The following RORA variants were observed in gnomAD, a reference collection of about 807,000 sequenced individuals.
RORA encodes nuclear receptor ROR-alpha.
A neutral mutation model predicts 69.5 loss-of-function variants in RORA; 7 were observed. The observed-to-expected ratio is 0.10, with a 90% CI of 0.06 to 0.19. RORA has a LOEUF of 0.19. Ranked by LOEUF, RORA falls within the 10% of genes least tolerant of loss-of-function variation. The pLI, the probability that RORA is intolerant of heterozygous loss-of-function variation, is 1.00. For missense variants in RORA, 457 were observed against 663.0 expected (o/e 0.69, Z 3.41); for synonymous variants, 261 against 240.8 (o/e 1.08, Z -0.78).
chr15:60,522,636 G>GGCATGTGCT (rs2066207491), intron 3 of RORA, among the ~76,000 whole-genome samples: 1 of 151,810 alleles, frequency 6.6e-6, no homozygotes, highest in African/African-American at 2.4e-5. Flanking sequence ...CAGGTGTAGT[G>GGCATGTGCT]GCATGTGCTT....
intron 1 of RORA, among the ~76,000 whole-genome samples, chr15:61,175,871 T>C (rs1387582542): frequency 6.6e-6 from 1 of 152,076 alleles, no homozygotes; most frequent in Non-Finnish European, 1.5e-5. Flanking sequence ...TATTTCTTAA[T>C]CTCATAAGAA....
At chr15:61,025,391 C>T (rs1458900430) in intron 1 of RORA, among the ~76,000 whole-genome samples, 1 of 152,216 alleles carries the variant, frequency 6.6e-6, no homozygotes, top group Admixed American at 6.5e-5. Context: ...CGGGCCCTAG[C>T]TGTGCTTCAG....
At chr15:60,597,549 A>ACACAC (rs1335197252) in intron 2 of RORA, among the ~76,000 whole-genome samples, 2 of 37,558 alleles carry the variant, frequency 5.3e-5, no homozygotes, top group Admixed American at 3.6e-4. Context: ...ACACACACAC[A>ACACAC]ACATATATAT....
At chr15:61,105,919 G>A (rs536497509) in intron 1 of RORA, among the ~76,000 whole-genome samples, 1 of 152,198 alleles carries the variant, frequency 6.6e-6, no homozygotes, top group Admixed American at 6.5e-5. Flanking sequence ...TGACATAATG[G>A]AGAAGCAGCA....
chr15:61,096,579 T>A (rs1226599152), intron 1 of RORA, among the ~76,000 whole-genome samples: 1 of 152,144 alleles, frequency 6.6e-6, no homozygotes, highest in Non-Finnish European at 1.5e-5. Flanking sequence ...TGAGAGAGGT[T>A]ATAATCCCCA....
chr15:60,776,595 G>A lies in RORA; in HGVS notation c.167-97909C>T, dbSNP rs548100677. On this transcript the variant is annotated intron_variant, in intron 1 of 10. Transcript: ENST00000335670. Reference sequence around the variant, plus strand: ...CAAACTGAGATAGGCACAGCAGAGCGTAGATCCTGCACTAAAAGGGTAAGA... The same window carrying A: ...CAAACTGAGATAGGCACAGCAGAGCATAGATCCTGCACTAAAAGGGTAAGA... Among the ~76,000 whole-genome samples, 4 of 152,310 alleles carry A rather than the reference G, an allele frequency of 2.6e-5. No individual in the cohort carries two copies. The East Asian group carries it at 5.8e-4, about 22-fold the overall frequency.
At chr15:60,934,715 GAA>G (rs1273500741) in intron 1 of RORA, among the ~76,000 whole-genome samples, 4 of 152,188 alleles carry the variant, frequency 2.6e-5, no homozygotes, top group Non-Finnish European at 5.9e-5. Flanking sequence ...CACACTTTGA[GAA>G]CCACTGTATT....
intron 1 of RORA, among the ~76,000 whole-genome samples, chr15:61,010,230 G>T (rs1193446261): frequency 6.6e-6 from 1 of 152,148 alleles, no homozygotes; most frequent in African/African-American, 2.4e-5. Flanking sequence ...ACTTCTATTT[G>T]AGAGAATTTG....
intron 3 of RORA, among the ~76,000 whole-genome samples, chr15:60,516,235 T>TTATATATATATATTTA (rs2065950430): frequency 2.5e-5 from 1 of 40,378 alleles, no homozygotes; most frequent in Non-Finnish European, 3.9e-5. Context: ...ATATATATAT[T>TTATATATATATATTTA]TATATATATA....
chr15:60,745,481 T>C (rs139454124), intron 1 of RORA, among the ~76,000 whole-genome samples: 249 of 152,168 alleles, frequency 1.6e-3, no homozygotes, highest in African/African-American at 5.8e-3. Context: ...GAGGCAAGAG[T>C]CCTTGCATCT....
intron 1 of RORA, among the ~76,000 whole-genome samples, chr15:61,191,378 A>G (rs1249013157): frequency 5.9e-5 from 9 of 151,668 alleles, no homozygotes; most frequent in South Asian, 4.2e-4. Context: ...AAAAAAAAAA[A>G]AAAGAAAGAA....
intron 2 of RORA, among the ~76,000 whole-genome samples, chr15:60,595,509 T>C (rs2068647005): frequency 6.6e-6 from 1 of 151,316 alleles, no homozygotes; most frequent in Non-Finnish European, 1.5e-5. Context: ...AGCAATAATC[T>C]GTCTCAAGGA....
intron 1 of RORA, among the ~76,000 whole-genome samples, chr15:61,063,744 A>G (rs963632895): frequency 2.6e-5 from 4 of 152,244 alleles, no homozygotes; most frequent in East Asian, 1.9e-4. Context: ...TGTGTGGTCA[A>G]TATTAACTAT....
chr15:60,943,486 G>A (rs1365301802), intron 1 of RORA, among the ~76,000 whole-genome samples: 1 of 152,142 alleles, frequency 6.6e-6, no homozygotes, highest in East Asian at 1.9e-4. Context: ...CATTTTCAAT[G>A]TGAAGGTTCA....
At chr15:60,747,388 T>G (rs1046311460) in intron 1 of RORA, among the ~76,000 whole-genome samples, 1 of 152,156 alleles carries the variant, frequency 6.6e-6, no homozygotes, top group African/African-American at 2.4e-5. Context: ...ATTTACTCCA[T>G]AAATCAAGGG....
At chr15:60,884,832 C>CA (rs1288454505) in intron 1 of RORA, among the ~76,000 whole-genome samples, 1 of 152,168 alleles carries the variant, frequency 6.6e-6, no homozygotes, top group African/African-American at 2.4e-5. Context: ...AAACAGCCCC[C>CA]AAAAGAGCAC....
At chr15:60,568,952 A>G (rs1204582882) in intron 2 of RORA, among the ~76,000 whole-genome samples, 10 of 151,968 alleles carry the variant, frequency 6.6e-5, no homozygotes, top group African/African-American at 1.7e-4. Flanking sequence ...GCTAAAAAAA[A>G]AAAAAAAAAA....
At chr15:60,657,410 G>GTTCAT (rs1280370620) in intron 2 of RORA, among the ~76,000 whole-genome samples, 15 of 152,104 alleles carry the variant, frequency 9.9e-5, no homozygotes. Context: ...TGGACAATGG[G>GTTCAT]ACAAACCATA....
chr15:60,516,179 ATATATT>A (rs2065930728), intron 3 of RORA, among the ~76,000 whole-genome samples: 1 of 26,660 alleles, frequency 3.8e-5, no homozygotes, highest in African/African-American at 2.3e-4. Context: ...ATATTTATAT[ATATATT>A]TATATATATA....
Sources: allele counts gnomAD v4.1 joint callset (sites outside exome capture counted in the v4.1 genomes callset), GRCh38; gene constraint gnomAD v4.1.1; transcripts MANE v1.5; gene names NCBI Gene and HGNC (gene_info 2026-07-23, HGNC 2026-07-21).